RIMS2: variants seen among roughly 807,000 people sequenced by gnomAD.
RIMS2 encodes the protein regulating synaptic membrane exocytosis 2.
A neutral mutation model predicts 174.4 loss-of-function variants in RIMS2; 59 were observed. The observed-to-expected ratio is 0.34, with a 90% CI of 0.27 to 0.42. The LOEUF (loss-of-function observed/expected upper bound fraction) is 0.42, where lower values mean the gene tolerates loss of function less well. Among genes scored for constraint, RIMS2 ranks in the 10% least tolerant of loss-of-function variants. The pLI, the probability that RIMS2 is intolerant of heterozygous loss-of-function variation, is 1.00. For synonymous variants in RIMS2, 606 were observed against 572.5 expected (o/e 1.06, Z -0.84); for missense variants, 1,620 against 1,666.3 (o/e 0.97, Z 0.48).
At chr8:103,878,379 C>T (rs913289124) in intron 3 of RIMS2, among the ~76,000 whole-genome samples, 5 of 151,812 alleles carry the variant, frequency 3.3e-5, no homozygotes, top group African/African-American at 9.7e-5. Context: ...CATGTATTGA[C>T]TTGTGTATGT....
intron 1 of RIMS2, among the ~76,000 whole-genome samples, chr8:103,597,783 A>G (rs1184192837): frequency 6.6e-6 from 1 of 152,036 alleles, no homozygotes; most frequent in African/African-American, 2.4e-5. Context: ...AAAGTTGTCC[A>G]GAGGTTATAA....
chr8:103,623,717 C>T (rs1014326304), intron 1 of RIMS2, among the ~76,000 whole-genome samples: 1 of 151,532 alleles, frequency 6.6e-6, no homozygotes, highest in African/African-American at 2.4e-5. Flanking sequence ...TCTCGATCTC[C>T]TGACCTCGTG....
chr8:104,047,815 G>A (rs1337094319), intron 19 of RIMS2, among the ~76,000 whole-genome samples: 3 of 151,982 alleles, frequency 2.0e-5, no homozygotes, highest in Non-Finnish European at 4.4e-5. Context: ...CAAGCTTATT[G>A]CACCTGTACT....
intron 19 of RIMS2, among the ~76,000 whole-genome samples, chr8:104,184,144 A>G (rs1399636393): frequency 1.3e-5 from 2 of 151,682 alleles, no homozygotes; most frequent in African/African-American, 2.4e-5. Flanking sequence ...TGGGAAATGT[A>G]CATAATGTGA....
At chr8:103,957,772 C>A (rs1359618609) in intron 14 of RIMS2, among the ~76,000 whole-genome samples, 1 of 152,028 alleles carries the variant, frequency 6.6e-6, no homozygotes, top group Non-Finnish European at 1.5e-5. Flanking sequence ...AAAAAGAAGA[C>A]ATGCATGCGG....
At chr8:104,025,967 T>C (rs2096248404) in intron 19 of RIMS2, among the ~76,000 whole-genome samples, 3 of 151,638 alleles carry the variant, frequency 2.0e-5, no homozygotes, top group Non-Finnish European at 4.4e-5. Flanking sequence ...TATAATAGGC[T>C]ACCCCATCTA....
chr8:103,617,206 T>A (rs1443471948), intron 1 of RIMS2, among the ~76,000 whole-genome samples: 1 of 152,054 alleles, frequency 6.6e-6, no homozygotes, highest in African/African-American at 2.4e-5. Flanking sequence ...AGCCTAGAAA[T>A]AGGGCCCCAC....
At chr8:103,599,602 CTAAT>C (rs1176551603) in intron 1 of RIMS2, among the ~76,000 whole-genome samples, 1 of 151,144 alleles carries the variant, frequency 6.6e-6, no homozygotes, top group African/African-American at 2.4e-5. Flanking sequence ...CCATGCCTGG[CTAAT>C]TAATTAATTT....
At position 103,835,584 on chromosome 8, in the gene RIMS2, T is replaced by C. The variant is rs3779666; in HGVS notation, c.699-49714T>C. Among the ~76,000 whole-genome samples the C allele has an allele frequency of 2.3e-4, 35 of 152,356 alleles. 2 individuals are homozygous for C. The East Asian group carries it at 6.7e-3, about 29-fold the overall frequency. On this transcript the variant is annotated intron_variant, in intron 3 of 23. Transcript: ENST00000504942. ...ATGTTCATACTTTGTCCAGGATTTA[T>C]ACTTACCATCTCTGCAAGGTTAGCT...
At chr8:104,002,144 A>T (rs1262815228) in intron 17 of RIMS2, among the ~76,000 whole-genome samples, 1 of 152,086 alleles carries the variant, frequency 6.6e-6, no homozygotes, top group Non-Finnish European at 1.5e-5. Context: ...CTAAAATCTT[A>T]ATTTGAATAC....
intron 1 of RIMS2, among the ~76,000 whole-genome samples, chr8:103,689,577 T>C (rs2137015910): frequency 6.6e-6 from 1 of 152,308 alleles, no homozygotes; most frequent in Admixed American, 6.5e-5. Flanking sequence ...TTATATACTT[T>C]TGCTGAATTG....
intron 4 of RIMS2, among the ~76,000 whole-genome samples, chr8:103,893,242 G>C (rs76808481): frequency 0.011 from 1,740 of 152,130 alleles, 47 homozygotes; most frequent in African/African-American, 0.04. Flanking sequence ...TAGAATTCCA[G>C]CTTTGGGGTA....
intron 19 of RIMS2, among the ~76,000 whole-genome samples, chr8:104,132,058 C>A (rs1225346853): frequency 6.6e-6 from 1 of 152,110 alleles, no homozygotes; most frequent in Non-Finnish European, 1.5e-5. Flanking sequence ...TACATATTTT[C>A]TGTTTCTGTT....
intron 19 of RIMS2, among the ~76,000 whole-genome samples, chr8:104,090,201 A>G (rs1042235082): frequency 6.6e-6 from 1 of 151,816 alleles, no homozygotes; most frequent in Admixed American, 6.6e-5. Context: ...CGCTGTGAAA[A>G]AAGGCATAAA....
intron 19 of RIMS2, among the ~76,000 whole-genome samples, chr8:104,043,955 A>G (rs1009813926): frequency 2.0e-5 from 3 of 151,688 alleles, no homozygotes; most frequent in Admixed American, 2.0e-4. Context: ...TAGACTTCAC[A>G]TAGATTAGAA....
chr8:103,777,096 CAT>C (rs781653976), intron 3 of RIMS2, among the ~76,000 whole-genome samples: 2 of 152,078 alleles, frequency 1.3e-5, no homozygotes, highest in Non-Finnish European at 2.9e-5. Context: ...ATGCAACAGT[CAT>C]GTGTATCTTC....
intron 1 of RIMS2, among the ~76,000 whole-genome samples, chr8:103,620,683 A>G (rs941505754): frequency 1.9e-4 from 10 of 52,048 alleles, no homozygotes; most frequent in Non-Finnish European, 3.3e-4. Context: ...TGTGATCATC[A>G]GGAACTTTAT....
chr8:103,853,633 G>C (rs2099011280), intron 3 of RIMS2, among the ~76,000 whole-genome samples: 1 of 152,026 alleles, frequency 6.6e-6, no homozygotes, highest in Admixed American at 6.6e-5. Context: ...TGTTTATTGA[G>C]TAGGGAGTTC....
At chr8:103,755,004 A>C (rs576846564) in intron 2 of RIMS2, among the ~76,000 whole-genome samples, 1 of 152,156 alleles carries the variant, frequency 6.6e-6, no homozygotes, top group Non-Finnish European at 1.5e-5. Flanking sequence ...CCGTTAGTTT[A>C]TGCAGTTCCT....
Sources: gnomAD v4.1 joint callset for allele counts (sites outside exome capture counted in the v4.1 genomes callset) on GRCh38, gnomAD v4.1.1 for gene constraint, MANE v1.5 for transcripts, NCBI Gene and HGNC (gene_info 2026-07-23, HGNC 2026-07-21) for gene names.